The following PLA2G4A variants were observed in gnomAD, a reference collection of about 807,000 sequenced individuals.
PLA2G4A encodes the protein cytosolic phospholipase A2.
PLA2G4A carries 40 observed loss-of-function variants against 81.9 expected under a neutral mutation model. The observed-to-expected ratio is 0.49, with a 90% CI of 0.38 to 0.64. PLA2G4A has a LOEUF of 0.64. Ranked by LOEUF, PLA2G4A falls within the 30% of genes least tolerant of loss-of-function variation. PLA2G4A has a pLI of 0.00. For synonymous variants in PLA2G4A, 302 were observed against 296.9 expected, an observed-to-expected ratio of 1.02 and a Z score of -0.18; for missense variants, 715 against 905.1, an observed-to-expected ratio of 0.79 and a Z score of 2.69.
chr1:186,909,997 G>C (rs1402998951), intron 6 of PLA2G4A, among the ~76,000 whole-genome samples: 2 of 151,858 alleles, frequency 1.3e-5, no homozygotes, highest in Non-Finnish European at 2.9e-5. Context: ...TCCTTTCTAG[G>C]ACTAGAAAAT....
intron 15 of PLA2G4A, among the ~76,000 whole-genome samples, chr1:186,969,415 A>G (rs1033786285): frequency 2.6e-5 from 4 of 151,830 alleles, no homozygotes; most frequent in East Asian, 1.9e-4. Context: ...TAACATTCCA[A>G]TTCCATTCTT....
At chr1:186,871,434 T>C (rs985523971) in intron 3 of PLA2G4A, among the ~76,000 whole-genome samples, 2 of 152,148 alleles carry the variant, frequency 1.3e-5, no homozygotes, top group Non-Finnish European at 2.9e-5. Context: ...AATTTAACTC[T>C]CAAAACAGGT....
chr1:186,942,062 T>C (rs957470323), intron 10 of PLA2G4A, among the ~76,000 whole-genome samples: 1 of 152,144 alleles, frequency 6.6e-6, no homozygotes, highest in East Asian at 1.9e-4. Context: ...ATTAATAGGA[T>C]TTGAATATGA....
At chr1:186,843,948 G>A (rs1652078173) in intron 1 of PLA2G4A, among the ~76,000 whole-genome samples, 4 of 152,160 alleles carry the variant, frequency 2.6e-5, no homozygotes, top group Admixed American at 2.6e-4. Flanking sequence ...GAGATTTGAA[G>A]AATACAAATT....
chr1:186,932,962 G>A, intron 8 of PLA2G4A, 63 bp downstream of exon 8: 1 of 1,199,340 alleles, frequency 8.3e-7, no homozygotes, highest in Non-Finnish European at 1.2e-6. Flanking sequence ...TCTAACTCAA[G>A]CACTAGAAGA....
intron 15 of PLA2G4A, among the ~76,000 whole-genome samples, chr1:186,975,766 G>T (rs1240582722): frequency 6.6e-6 from 1 of 152,124 alleles, no homozygotes. Flanking sequence ...AAAATAATTT[G>T]TTTCTTGTTG....
At chr1:186,859,762 A>G (rs1652730562) in intron 2 of PLA2G4A, among the ~76,000 whole-genome samples, 1 of 152,180 alleles carries the variant, frequency 6.6e-6, no homozygotes, top group African/African-American at 2.4e-5. Context: ...GTGTTCTGGT[A>G]GGAGTTCTAG....
intron 15 of PLA2G4A, among the ~76,000 whole-genome samples, chr1:186,976,607 T>C (rs932694762): frequency 2.6e-5 from 4 of 152,202 alleles, no homozygotes; most frequent in Admixed American, 2.0e-4. Context: ...GAGCTTGCAT[T>C]TGGACTCAGG....
At chr1:186,966,394 G>A (rs1571452123) in intron 15 of PLA2G4A, among the ~76,000 whole-genome samples, 1 of 152,208 alleles carries the variant, frequency 6.6e-6, no homozygotes, top group Middle Eastern at 3.4e-3. Flanking sequence ...GGACACAAGT[G>A]GGGAACAGTA....
intron 1 of PLA2G4A, among the ~76,000 whole-genome samples, chr1:186,840,445 G>T (rs11591148): frequency 0.016 from 2,395 of 152,186 alleles, 28 homozygotes; most frequent in East Asian, 0.044. Flanking sequence ...CCTATTACAT[G>T]TTACCCAGTT....
At chr1:186,962,750 C>G (rs1433192764) in intron 14 of PLA2G4A, among the ~76,000 whole-genome samples, 2 of 152,004 alleles carry the variant, frequency 1.3e-5, no homozygotes, top group Non-Finnish European at 2.9e-5. Flanking sequence ...TCGATCTCCT[C>G]ACCTCGTGAT....
chr1:186,872,368 CAA>C (rs1226084455), intron 3 of PLA2G4A, among the ~76,000 whole-genome samples: 1 of 152,132 alleles, frequency 6.6e-6, no homozygotes, highest in East Asian at 1.9e-4. Flanking sequence ...GTTTTACAAC[CAA>C]AGAGGCCACG....
At chr1:186,869,938 G>A (rs556164325) in intron 2 of PLA2G4A, among the ~76,000 whole-genome samples, 1 of 152,286 alleles carries the variant, frequency 6.6e-6, no homozygotes, top group African/African-American at 2.4e-5. Flanking sequence ...TCTAACAAAT[G>A]CATTACAATT....
chr1:186,926,324 A>G (rs1049776618), intron 7 of PLA2G4A, among the ~76,000 whole-genome samples: 1 of 152,170 alleles, frequency 6.6e-6, no homozygotes, highest in East Asian at 1.9e-4. Flanking sequence ...TCTCTGGGCT[A>G]TCCTTCAAAA....
intron 3 of PLA2G4A, among the ~76,000 whole-genome samples, chr1:186,883,667 T>C (rs1653824317): frequency 6.6e-6 from 1 of 152,090 alleles, no homozygotes; most frequent in Admixed American, 6.6e-5. Context: ...GTGAAAGATA[T>C]AGAGGAACTA....
intron 5 of PLA2G4A, among the ~76,000 whole-genome samples, chr1:186,898,663 T>C (rs933755044): frequency 1.3e-5 from 2 of 152,164 alleles, no homozygotes; most frequent in African/African-American, 4.8e-5. Flanking sequence ...TATAAAAATG[T>C]TTGACATAGA....
intron 13 of PLA2G4A, among the ~76,000 whole-genome samples, chr1:186,955,399 G>T (rs982296704): frequency 6.6e-6 from 1 of 152,114 alleles, no homozygotes; most frequent in African/African-American, 2.4e-5. Context: ...GGTAACTTAA[G>T]AAATGTAGAG....
intron 5 of PLA2G4A, among the ~76,000 whole-genome samples, chr1:186,906,510 C>T (rs915492949): frequency 6.6e-6 from 1 of 152,190 alleles, no homozygotes; most frequent in African/African-American, 2.4e-5. Context: ...CTACAGCCTG[C>T]ACTTGTCTCA....
intron 2 of PLA2G4A, among the ~76,000 whole-genome samples, chr1:186,869,755 C>G (rs923744699): frequency 1.3e-5 from 2 of 152,124 alleles, no homozygotes; most frequent in African/African-American, 4.8e-5. Flanking sequence ...CTCAGTTGCT[C>G]CAAGAACTAT....
Sources: allele counts gnomAD v4.1 joint callset (sites outside exome capture counted in the v4.1 genomes callset), GRCh38; gene constraint gnomAD v4.1.1; transcripts MANE v1.5; gene names NCBI Gene and HGNC (gene_info 2026-07-23, HGNC 2026-07-21).